TMED3: variants seen among roughly 807,000 people sequenced by gnomAD.
TMED3 encodes transmembrane emp24 domain-containing protein 3.
TMED3 carries 9 observed loss-of-function variants against 15.0 expected under a neutral mutation model. The ratio of observed to expected loss-of-function variants is 0.60; its 90% confidence interval spans 0.36 to 1.04. The LOEUF (loss-of-function observed/expected upper bound fraction) is 1.04. TMED3 is among the 50% of genes least tolerant of loss of function. TMED3 has a pLI of 0.01. For synonymous variants in TMED3, 117 were observed against 121.4 expected (o/e 0.96, Z 0.24); for missense variants, 267 against 278.9 (o/e 0.96, Z 0.30).
chr15:79,326,238 G>C (rs1481275820), downstream of TMED3, among the ~76,000 whole-genome samples: 1 of 152,156 alleles, frequency 6.6e-6, no homozygotes, highest in African/African-American at 2.4e-5. Flanking sequence ...TAATCCAAAA[G>C]GATATGCTAT....
At chr15:79,332,048 G>A (rs2058811365) in intron 2 of TMED3, among the ~76,000 whole-genome samples, 1 of 142,846 alleles carries the variant, frequency 7.0e-6, no homozygotes, top group South Asian at 2.3e-4. Context: ...GCAAGACCTT[G>A]TCTCAAAAAT....
intron 2 of TMED3, chr15:79,383,000 A>C (rs922734209): frequency 6.5e-7 from 1 of 1,535,436 alleles, no homozygotes. Context: ...CAACGCCACC[A>C]CTAAGGGTTC....
intron 2 of TMED3, among the ~76,000 whole-genome samples, chr15:79,400,107 G>A (rs914577094): frequency 1.3e-5 from 2 of 152,138 alleles, no homozygotes; most frequent in African/African-American, 4.8e-5. Flanking sequence ...TAAAAGACCC[G>A]TCGAACTTGT....
At chr15:79,383,871 C>T (rs2141250742) in intron 2 of TMED3, 1 of 152,350 alleles carries the variant, frequency 6.6e-6, no homozygotes. Context: ...ATGTTACCTT[C>T]CAGAAACTGG....
rs571337195 is a variant in TMED3, at chr15:79,361,519, C to T, written c.417+47514C>T. Among the ~76,000 whole-genome samples, 5 of 152,102 alleles carry T rather than the reference C, an allele frequency of 3.3e-5. No individual in the cohort carries two copies. In the South Asian group the frequency reaches 1.0e-3, roughly 32 times the overall value. ...AAGTGGGAGCTAAGCTATGAGGACG[C>T]AAAGGCATAGAATGACACAGTGGAC... On this transcript the variant is annotated intron_variant, in intron 2 of 2. Transcript: ENST00000424155.
At chr15:79,387,012 T>A (rs1438277949) in intron 2 of TMED3, among the ~76,000 whole-genome samples, 2 of 150,938 alleles carry the variant, frequency 1.3e-5, no homozygotes, top group Non-Finnish European at 2.9e-5. Flanking sequence ...CACTGCAGCC[T>A]TGAATCCTGG....
At chr15:79,390,882 A>G (rs1297679480) in intron 2 of TMED3, among the ~76,000 whole-genome samples, 2 of 152,040 alleles carry the variant, frequency 1.3e-5, no homozygotes, top group African/African-American at 4.8e-5. Context: ...AGGTGTTCAT[A>G]GTAGCCTTGA....
chr15:79,386,737 C>T (rs1438254040), intron 2 of TMED3, among the ~76,000 whole-genome samples: 22 of 128,722 alleles, frequency 1.7e-4, no homozygotes, highest in African/African-American at 3.2e-4. Context: ...TTAGTAGAGA[C>T]GGGGTTTCAC....
At chr15:79,320,143 A>G (rs977760842) in intron 2 of TMED3, among the ~76,000 whole-genome samples, 8 of 152,138 alleles carry the variant, frequency 5.3e-5, no homozygotes, top group African/African-American at 1.7e-4. Flanking sequence ...CCACTTGGCA[A>G]TGGGCGTCTT....
intron 2 of TMED3, among the ~76,000 whole-genome samples, chr15:79,346,790 C>T (rs2058873041): frequency 6.6e-6 from 1 of 152,076 alleles, no homozygotes; most frequent in South Asian, 2.1e-4. Context: ...TTCCTCATTG[C>T]TTGTTTTTAT....
chr15:79,363,857 A>G (rs1893178835), intron 2 of TMED3, among the ~76,000 whole-genome samples: 1 of 152,192 alleles, frequency 6.6e-6, no homozygotes, highest in African/African-American at 2.4e-5. Context: ...TACGGCCTTT[A>G]CTACAGGGTG....
chr15:79,347,156 C>T (rs2141231746), intron 2 of TMED3, among the ~76,000 whole-genome samples: 1 of 152,214 alleles, frequency 6.6e-6, no homozygotes, highest in Non-Finnish European at 1.5e-5. Flanking sequence ...CTGAATCCAG[C>T]AGCACATCAA....
chr15:79,347,060 G>A (rs1182675851), intron 2 of TMED3, among the ~76,000 whole-genome samples: 4 of 151,956 alleles, frequency 2.6e-5, no homozygotes, highest in East Asian at 1.9e-4. Context: ...ACCAAAACAC[G>A]GCAGAGACAC....
At chr15:79,406,245 G>C (rs1893901723) in intron 2 of TMED3, among the ~76,000 whole-genome samples, 1 of 152,196 alleles carries the variant, frequency 6.6e-6, no homozygotes, top group African/African-American at 2.4e-5. Flanking sequence ...GTGAGGGGCT[G>C]TTTCTTGGAC....
intron 2 of TMED3, among the ~76,000 whole-genome samples, chr15:79,380,225 C>T (rs1567036514): frequency 1.3e-5 from 2 of 151,874 alleles, no homozygotes; most frequent in Non-Finnish European, 2.9e-5. Flanking sequence ...GTGACACACA[C>T]CTGTAATCCC....
rs60316254 is a variant in TMED3, at chr15:79,346,225, T to C, written c.417+32220T>C. Among the ~76,000 whole-genome samples the C allele has an allele frequency of 8.2e-4, 125 of 152,318 alleles. 4 individuals carry two copies. In the East Asian group the frequency reaches 0.022, roughly 27 times the overall value. Reference sequence around the variant, plus strand: ...GGTGTCTTTGTCATGAAGTTTTGCCTGTTCCTATGTCCAGAATGGTATTGC... The same window carrying C: ...GGTGTCTTTGTCATGAAGTTTTGCCCGTTCCTATGTCCAGAATGGTATTGC... On this transcript the variant is annotated intron_variant, in intron 2 of 2. Coordinates refer to the TMED3 transcript ENST00000424155.
chr15:79,365,934 A>G (rs1476842744), intron 2 of TMED3, among the ~76,000 whole-genome samples: 1 of 152,224 alleles, frequency 6.6e-6, no homozygotes, highest in Non-Finnish European at 1.5e-5. Context: ...AGTCAGAGAC[A>G]TATGTTAAGA....
intron 2 of TMED3, chr15:79,383,544 C>T (rs78159797): frequency 0.012 from 1,859 of 154,266 alleles, 85 homozygotes; most frequent in East Asian, 0.11. Context: ...TCCCACTTGT[C>T]GCTCCCCAGT....
intron 2 of TMED3, among the ~76,000 whole-genome samples, chr15:79,358,024 G>A (rs984155468): frequency 8.5e-5 from 13 of 152,110 alleles, no homozygotes; most frequent in Non-Finnish European, 1.5e-4. Context: ...GTGAGCATAC[G>A]TTCATTTATC....
Sources: gnomAD v4.1 joint callset for allele counts (sites outside exome capture counted in the v4.1 genomes callset) on GRCh38, gnomAD v4.1.1 for gene constraint, MANE v1.5 for transcripts, NCBI Gene and HGNC (gene_info 2026-07-23, HGNC 2026-07-21) for gene names.